NRG3: variants seen among roughly 807,000 people sequenced by gnomAD.
The protein encoded by NRG3 is neuregulin 3, also known as pro-neuregulin-3, membrane-bound isoform.
In NRG3, 31 loss-of-function variants were observed where a neutral mutation model predicts 66.9. That is an observed-to-expected ratio of 0.46 (90% CI 0.35 to 0.63). NRG3 has a LOEUF of 0.63. Among genes scored for constraint, NRG3 ranks in the 20% least tolerant of loss-of-function variants. The pLI is 0.00. For missense variants in NRG3, 910 were observed against 878.9 expected (o/e 1.04, Z -0.45); for synonymous variants, 393 against 359.4 (o/e 1.09, Z -1.06).
chr10:82,635,048 G>A (rs1393737325), intron 2 of NRG3, among the ~76,000 whole-genome samples: 1 of 152,136 alleles, frequency 6.6e-6, no homozygotes, highest in East Asian at 1.9e-4. Context: ...ATATCTTTTG[G>A]ATTTATAAAG....
intron 1 of NRG3, among the ~76,000 whole-genome samples, chr10:82,098,755 A>C (rs1045538589): frequency 1.3e-5 from 2 of 151,798 alleles, no homozygotes; most frequent in Non-Finnish European, 2.9e-5. Context: ...ATTTATTTAG[A>C]TAGCATCTTT....
At chr10:82,227,618 A>G (rs2076232961) in intron 1 of NRG3, among the ~76,000 whole-genome samples, 1 of 152,160 alleles carries the variant, frequency 6.6e-6, no homozygotes, top group Admixed American at 6.5e-5. Flanking sequence ...GAAACAATAA[A>G]TGGTGTTGAC....
At chr10:81,971,488 G>T (rs2059931344) in intron 1 of NRG3, among the ~76,000 whole-genome samples, 1 of 152,196 alleles carries the variant, frequency 6.6e-6, no homozygotes, top group African/African-American at 2.4e-5. Flanking sequence ...CAACTATGAT[G>T]ACAGGGACTT....
At chr10:82,629,003 T>C (rs143046937) in intron 2 of NRG3, among the ~76,000 whole-genome samples, 79 of 152,308 alleles carry the variant, frequency 5.2e-4, no homozygotes, top group African/African-American at 1.8e-3. Flanking sequence ...GTTTTTCTGC[T>C]TAGACTTTCT....
At chr10:82,620,144 A>G (rs894879051) in intron 2 of NRG3, among the ~76,000 whole-genome samples, 3 of 152,164 alleles carry the variant, frequency 2.0e-5, no homozygotes, top group African/African-American at 4.8e-5. Context: ...CCCAGAGGGC[A>G]TATTACAATG....
chr10:82,283,093 C>T (rs753065705), intron 1 of NRG3, among the ~76,000 whole-genome samples: 18 of 152,142 alleles, frequency 1.2e-4, no homozygotes, highest in South Asian at 8.3e-4. Context: ...CCTGTCTTCT[C>T]GGTCTTAATC....
chr10:81,876,072 G>A lies in NRG3; in HGVS notation c.732G>A (p.Leu244=). ...YLHDSTPSWT[L]SPFQDAASSS... The stretch of plus-strand genomic sequence containing the variant: ...ACGATTCTACTCCCTCCTGGACCCT[G>A]TCTCCCTTTCAGGATGCTGCCTCCT... Residue 244 remains leucine (L), a synonymous_variant, in exon 1 of 9, where the codon CTG becomes CTA. Transcript: ENST00000372141. The A allele has an allele frequency of 6.2e-7, 1 of 1,613,770 alleles. No individual in the cohort carries two copies. The highest frequency in any genetic ancestry group is 8.5e-7 in the Non-Finnish European group (1 of 1,179,994).
At chr10:82,016,167 C>A (rs1031941187) in intron 1 of NRG3, among the ~76,000 whole-genome samples, 2 of 151,762 alleles carry the variant, frequency 1.3e-5, no homozygotes, top group Admixed American at 6.6e-5. Context: ...AGCTTAGGGA[C>A]CAGTGTGAAA....
At chr10:82,462,902 G>A (rs753477681) in intron 2 of NRG3, among the ~76,000 whole-genome samples, 4 of 152,134 alleles carry the variant, frequency 2.6e-5, no homozygotes, top group Non-Finnish European at 4.4e-5. Context: ...GAAAACTGTG[G>A]CTCACAGAGG....
At chr10:82,093,768 T>C (rs2066169899) in intron 1 of NRG3, among the ~76,000 whole-genome samples, 1 of 152,214 alleles carries the variant, frequency 6.6e-6, no homozygotes. Context: ...TCTAGATGAT[T>C]AAATATAAGC....
intron 3 of NRG3, among the ~76,000 whole-genome samples, chr10:82,834,851 G>A (rs1331307215): frequency 6.6e-6 from 1 of 152,306 alleles, no homozygotes; most frequent in East Asian, 1.9e-4. Context: ...AAGCTGCTTA[G>A]GTAGGAAACA....
chr10:82,097,435 A>G (rs1007607918), intron 1 of NRG3, among the ~76,000 whole-genome samples: 1 of 144,472 alleles, frequency 6.9e-6, no homozygotes, highest in African/African-American at 2.6e-5. Context: ...ATATATATAT[A>G]TATATATCTG....
At chr10:82,173,674 A>AACACACACACAC (rs3037392) in intron 1 of NRG3, among the ~76,000 whole-genome samples, 4,460 of 146,544 alleles carry the variant, frequency 0.03, 81 homozygotes, top group South Asian at 0.041. Flanking sequence ...TGCATATGTG[A>AACACACACACAC]ACACACACAC....
At chr10:82,126,116 G>A (rs753468664) in intron 1 of NRG3, among the ~76,000 whole-genome samples, 4 of 151,984 alleles carry the variant, frequency 2.6e-5, no homozygotes, top group Non-Finnish European at 4.4e-5. Context: ...GTGTTGGACA[G>A]CCAGATCTTA....
At chr10:82,443,927 G>A (rs2090573149) in intron 2 of NRG3, among the ~76,000 whole-genome samples, 1 of 152,116 alleles carries the variant, frequency 6.6e-6, no homozygotes, top group Non-Finnish European at 1.5e-5. Context: ...GGATAATAGG[G>A]AACACAGCCG....
intron 4 of NRG3, among the ~76,000 whole-genome samples, chr10:82,916,149 C>G (rs1164803679): frequency 6.6e-6 from 1 of 152,142 alleles, no homozygotes; most frequent in Non-Finnish European, 1.5e-5. Context: ...CATTGTTTTA[C>G]TTCTTTAAGG....
intron 1 of NRG3, among the ~76,000 whole-genome samples, chr10:82,119,501 T>G (rs1178061526): frequency 1.3e-5 from 2 of 152,090 alleles, no homozygotes; most frequent in African/African-American, 4.8e-5. Flanking sequence ...GCATGAAAAA[T>G]ATAAATAAGT....
rs529449045 is a variant in NRG3 at position 82,175,003 on chromosome 10, G to T, written c.824-183736G>T. Among the ~76,000 whole-genome samples the T allele has an allele frequency of 1.6e-4, 24 of 151,988 alleles. 1 individual carries two copies. In the South Asian group the frequency reaches 4.8e-3, roughly 30 times the overall value. The stretch of plus-strand genomic sequence containing the variant: ...CCCTCTCTTTTTTAAAAAAATTATG[G>T]TTAATTGTCCTACCATACATCCAGT... On this transcript the variant is annotated intron_variant, in intron 1 of 8. Transcript: ENST00000372141.
intron 2 of NRG3, among the ~76,000 whole-genome samples, chr10:82,591,986 A>G (rs1170871269): frequency 6.6e-6 from 1 of 152,198 alleles, no homozygotes; most frequent in East Asian, 1.9e-4. Context: ...TCTGGGAAAC[A>G]CCAGAGGTTT....
Sources: gnomAD v4.1 joint callset for allele counts (sites outside exome capture counted in the v4.1 genomes callset) on GRCh38, gnomAD v4.1.1 for gene constraint, MANE v1.5 for transcripts, NCBI Gene and HGNC (gene_info 2026-07-23, HGNC 2026-07-21) for gene names.